Variants in PLXNA4 observed in about 807,000 individuals in gnomAD.
PLXNA4 encodes plexin A4, also known as plexin-A4.
Under a neutral mutation model 191.8 loss-of-function variants are expected in PLXNA4, and 44 were observed. That is an observed-to-expected ratio of 0.23 (90% CI 0.18 to 0.29). The LOEUF is 0.29. Ranked by LOEUF, PLXNA4 falls within the 10% of genes least tolerant of loss-of-function variation. The pLI, the probability that PLXNA4 is intolerant of heterozygous loss-of-function variation, is 1.00. For synonymous variants in PLXNA4, 1,082 were observed against 1,009.5 expected (o/e 1.07, Z -1.36); for missense variants, 1,800 against 2,488.8 (o/e 0.72, Z 5.89).
chr7:132,369,057 G>T (rs916929381), intron 3 of PLXNA4, among the ~76,000 whole-genome samples: 4 of 152,106 alleles, frequency 2.6e-5, no homozygotes, highest in Non-Finnish European at 5.9e-5. Context: ...TTCCTGCTTG[G>T]ATCTGCCTGG....
Position 132,168,414 on chromosome 7 carries a change from G to A in PLXNA4, c.4176C>T (p.Thr1392=), listed in dbSNP as rs369419660. ...CGTACTCCAGCTTGCTCTGCAGCAC[G>A]GTCATGATGAGTGAGGCCACGTTGC... ...DRGNVASLIM[T]VLQSKLEYAT... The change falls in exon 22 of 32, where the codon ACC becomes ACT. Residue 1392 remains threonine (T), a synonymous_variant. Transcript: ENST00000321063. The A allele has an allele frequency of 2.7e-5, 44 of 1,613,820 alleles. No homozygotes were observed. The African/African-American group carries it at 4.0e-4, about 15-fold the overall frequency.
In PLXNA4 at chr7:132,179,831, C is replaced by T; in HGVS notation, c.3730G>A (p.Val1244Met). 6.2e-7 allele frequency: 1 copy of T among 1,613,512 alleles called. No individual in the cohort carries two copies. Among genetic ancestry groups the T allele is most frequent in the Non-Finnish European group, 8.5e-7 (1 of 1,179,878 alleles). Reference protein sequence around the residue: ...LSLPAIVSIAVAGGLLIIFIV... With the variant: ...LSLPAIVSIAMAGGLLIIFIV... Reference sequence around the variant, plus strand: ...AAAATGATGAGGAGGCCGCCAGCCACTGCGATGCTGACGATGGCGGGCAGG... The same window carrying T: ...AAAATGATGAGGAGGCCGCCAGCCATTGCGATGCTGACGATGGCGGGCAGG... Residue 1244 changes from valine to methionine, a missense_variant, in exon 20 of 32, where the codon GTG (valine) becomes ATG (methionine). This residue lies in a region of PLXNA4 where 1,397 missense variants were observed against 1,880.4 expected (regional missense o/e 0.74). Transcript: ENST00000321063.
chr7:132,311,421 G>A (rs1296194747), intron 3 of PLXNA4, among the ~76,000 whole-genome samples: 1 of 152,040 alleles, frequency 6.6e-6, no homozygotes, highest in Non-Finnish European at 1.5e-5. Flanking sequence ...CACTCCCTAG[G>A]AGCTTCTTGA....
intron 2 of PLXNA4, 105 bp downstream of exon 2, chr7:132,507,401 C>A: frequency 2.3e-6 from 3 of 1,280,786 alleles, no homozygotes; most frequent in Non-Finnish European, 2.1e-6. Flanking sequence ...ATACTCACTT[C>A]ATCTGCAAAA....
chr7:132,416,875 C>T (rs1794679364), intron 3 of PLXNA4, among the ~76,000 whole-genome samples: 1 of 152,108 alleles, frequency 6.6e-6, no homozygotes, highest in Non-Finnish European at 1.5e-5. Context: ...ACTAGTGCCC[C>T]ATTCTCCCAC....
chr7:132,279,201 G>T (rs1331793297), intron 4 of PLXNA4, among the ~76,000 whole-genome samples: 4 of 152,200 alleles, frequency 2.6e-5, no homozygotes, highest in East Asian at 1.9e-4. Flanking sequence ...ATGGGCCAAG[G>T]TGTGCCATTG....
chr7:132,517,777 T>A (rs1431691025), intron 1 of PLXNA4, among the ~76,000 whole-genome samples: 1 of 152,168 alleles, frequency 6.6e-6, no homozygotes, highest in East Asian at 1.9e-4. Flanking sequence ...CATTTCCAAG[T>A]TTGGGGCTCA....
At chr7:132,519,209 T>G (rs987837222) in intron 1 of PLXNA4, among the ~76,000 whole-genome samples, 1 of 152,020 alleles carries the variant, frequency 6.6e-6, no homozygotes, top group Non-Finnish European at 1.5e-5. Flanking sequence ...CCAGCTGGAG[T>G]TGGTGTCAAG....
chr7:132,398,845 T>C (rs1046864235), intron 3 of PLXNA4, among the ~76,000 whole-genome samples: 3 of 152,142 alleles, frequency 2.0e-5, no homozygotes, highest in African/African-American at 7.2e-5. Flanking sequence ...GATGCCCCTT[T>C]GCCAAGTGTC....
chr7:132,168,474 A>G lies in PLXNA4; in HGVS notation c.4116T>C (p.Leu1372=). Residue 1372 remains leucine (L), a synonymous_variant, in exon 22 of 32, where the codon CTT becomes CTC. Coordinates refer to ENST00000321063, the MANE Select transcript of PLXNA4 (RefSeq NM_020911.2). ...KVFLLSFIRT[L]ESQRSFSMRD... is the part of the protein sequence containing the mutation. ...GCATGGAGAAGCTACGCTGGGACTC[A>G]AGCGTGCGGATGAAGGACAGCAGGA... 6.2e-7 allele frequency: 1 copy of G among 1,613,902 alleles called. No homozygotes were observed. Among genetic ancestry groups the G allele is most frequent in the Non-Finnish European group, 8.5e-7 (1 of 1,179,868 alleles).
At chr7:132,624,707 G>A (rs531699210) in intron 2 of PLXNA4, among the ~76,000 whole-genome samples, 1 of 152,262 alleles carries the variant, frequency 6.6e-6, no homozygotes, top group Admixed American at 6.5e-5. Context: ...TGCTGATTTA[G>A]TGTTCAGTAA....
At chr7:132,252,340 C>A (rs1799284023) in intron 4 of PLXNA4, among the ~76,000 whole-genome samples, 2 of 109,222 alleles carry the variant, frequency 1.8e-5, no homozygotes, top group African/African-American at 3.5e-5. Flanking sequence ...GAGATGGAGT[C>A]TCACTCTGTT....
intron 3 of PLXNA4, among the ~76,000 whole-genome samples, chr7:132,482,279 C>T (rs1303552863): frequency 6.6e-6 from 1 of 152,164 alleles, no homozygotes; most frequent in African/African-American, 2.4e-5. Flanking sequence ...TGGCTTGCAC[C>T]TTGCTCAGCC....
intron 21 of PLXNA4, among the ~76,000 whole-genome samples, chr7:132,170,242 C>T (rs1419694186): frequency 6.6e-6 from 1 of 152,118 alleles, no homozygotes; most frequent in Non-Finnish European, 1.5e-5. Context: ...AATACTGACC[C>T]ACTTAATGCA....
intron 9 of PLXNA4, among the ~76,000 whole-genome samples, chr7:132,216,512 G>A (rs1797967106): frequency 6.6e-6 from 1 of 152,194 alleles, no homozygotes; most frequent in Non-Finnish European, 1.5e-5. Context: ...TGGTATGGTT[G>A]TCCAGTTGAG....
Position 132,130,329 on chromosome 7 carries a change from C to T in PLXNA4, c.*150G>A, listed in dbSNP as rs140924376. ...AAGAGATCCAGGAAGGAGGGAGAAA[C>T]GGAAAGAGGCAGAGAGAAAGAGAGA... On this transcript the variant is annotated 3_prime_UTR_variant, in exon 32 of 32. Transcript: ENST00000321063. 29 of 1,104,164 alleles carry T rather than the reference C, an allele frequency of 2.6e-5. No individual in the cohort carries two copies. Among genetic ancestry groups the T allele is most frequent in the Middle Eastern group, 2.9e-4 (1 of 3,486 alleles). 68.4% of individuals were successfully genotyped at this position (1,104,164 alleles called of 1,614,324 possible). A position where few individuals can be genotyped will look rare whatever the true frequency, so the allele number is the denominator to read the frequency against.
At chr7:132,209,680 T>G (rs2116894775) in intron 10 of PLXNA4, among the ~76,000 whole-genome samples, 1 of 152,156 alleles carries the variant, frequency 6.6e-6, no homozygotes, top group Admixed American at 6.5e-5. Context: ...GAGCTCCATT[T>G]CCCCCTGGAC....
chr7:132,568,726 C>A (rs1801846130), intron 1 of PLXNA4, among the ~76,000 whole-genome samples: 1 of 152,342 alleles, frequency 6.6e-6, no homozygotes, highest in East Asian at 1.9e-4. Context: ...GCTGACCCTA[C>A]CCTCTAGGAG....
intron 15 of PLXNA4, among the ~76,000 whole-genome samples, chr7:132,185,673 C>G (rs1796855603): frequency 6.6e-6 from 1 of 152,216 alleles, no homozygotes; most frequent in Non-Finnish European, 1.5e-5. Flanking sequence ...TCAAATAGGC[C>G]TCATCCCTGG....
Sources: allele counts gnomAD v4.1 joint callset (sites outside exome capture counted in the v4.1 genomes callset), GRCh38; gene constraint gnomAD v4.1.1; regional missense constraint gnomAD v4.1.1; transcripts MANE v1.5; gene names NCBI Gene and HGNC (gene_info 2026-07-23, HGNC 2026-07-21).